Variants in RADIL observed in about 807,000 individuals in gnomAD.
RADIL encodes the protein ras-associating and dilute domain-containing protein.
Under a neutral mutation model 97.6 loss-of-function variants are expected in RADIL, and 99 were observed. The ratio of observed to expected loss-of-function variants is 1.01; its 90% confidence interval spans 0.86 to 1.20. The LOEUF (loss-of-function observed/expected upper bound fraction) is 1.20, where lower values mean the gene tolerates loss of function less well. Ranked by LOEUF, RADIL falls within the 50% of genes most tolerant of loss-of-function variation. RADIL has a pLI of 0.00. For missense variants in RADIL, 1,765 were observed against 1,498.9 expected (o/e 1.18, Z -2.93); for synonymous variants, 803 against 691.8 (o/e 1.16, Z -2.52).
intron 2 of RADIL, chr7:4,860,892 G>A: frequency 6.2e-7 from 1 of 1,614,172 alleles, no homozygotes; most frequent in African/African-American, 1.3e-5. Context: ...CTATCACTGG[G>A]ATTTACTCTT....
chr7:4,856,060 C>T (rs1324215767), intron 2 of RADIL, among the ~76,000 whole-genome samples: 2 of 151,518 alleles, frequency 1.3e-5, no homozygotes, highest in Non-Finnish European at 2.9e-5. Context: ...CCGCTCGCCT[C>T]GGCCTCCCAA....
chr7:4,816,338 G>C lies in RADIL; in HGVS notation c.1856C>G (p.Ala619Gly). The C allele has an allele frequency of 6.2e-7, 1 of 1,612,388 alleles. No homozygotes were observed. The highest frequency in any genetic ancestry group is 1.7e-5 in the Admixed American group (1 of 59,954). Residue 619 changes from alanine to glycine, a missense_variant, in exon 8 of 15, where the codon GCC becomes GGC. Ala to Gly is a moderately conservative substitution (Grantham distance 60). Transcript: ENST00000399583. ...LRRVVSVYQA[A>G]LDLLRQLQVH... The stretch of plus-strand genomic sequence containing the variant: ...CTGCAGCTGCCGCAGGAGGTCCAGG[G>C]CTGCCTGGTACACAGACACCACGCG...
At chr7:4,829,138 C>T (rs1217769600) in intron 5 of RADIL, among the ~76,000 whole-genome samples, 1 of 152,250 alleles carries the variant, frequency 6.6e-6, no homozygotes, top group Non-Finnish European at 1.5e-5. Flanking sequence ...TGAAAGCCCA[C>T]AAGATGTCAG....
rs1356697915 is a variant in RADIL at position 4,854,199 on chromosome 7, G to C, written c.536-17594C>G. On this transcript the variant is annotated intron_variant, in intron 2 of 14. Transcript: ENST00000399583. This position sits in a 1 kb window ranked among gnomAD's most constrained non-coding sequence, Gnocchi z 5.1. ...AATGATGGGGCCGAAAGTAGAAAAA[G>C]CCTGGTCCCTGGTGACCAGGAAAGC... 6.6e-6 allele frequency among the ~76,000 whole-genome samples: 1 copy of C among 152,044 alleles called. No individual in the cohort carries two copies. The highest frequency in any genetic ancestry group is 1.5e-5 in the Non-Finnish European group (1 of 68,030).
intron 10 of RADIL, chr7:4,803,978 T>A: frequency 1.6e-6 from 1 of 630,054 alleles, no homozygotes; most frequent in Non-Finnish European, 2.9e-6. Flanking sequence ...TCCGAGCAGT[T>A]CAGGACTGAG....
intron 5 of RADIL, among the ~76,000 whole-genome samples, chr7:4,826,794 AC>A (rs905180315): frequency 7.9e-5 from 12 of 152,168 alleles, no homozygotes; most frequent in African/African-American, 2.9e-4. Flanking sequence ...CAAAGGCAAA[AC>A]GCACAGAAAA....
chr7:4,818,562 C>T lies in RADIL; in HGVS notation c.1616-1211G>A, dbSNP rs1386811649. 6.6e-6 allele frequency among the ~76,000 whole-genome samples: 1 copy of T among 152,198 alleles called. No individual in the cohort carries two copies. The highest frequency in any genetic ancestry group is 1.9e-4 in the East Asian group (1 of 5,174). On this transcript the variant is annotated intron_variant, in intron 6 of 14. Transcript: ENST00000399583. The surrounding 1 kb of genome is among the most constrained non-coding windows in gnomAD (Gnocchi z 7.1). ...CCGGGGTCCGGGGCAGTAAGGGGCT[C>T]TCGGGCTCTGCCAACCTCAACACTG... is the stretch of plus-strand genomic sequence containing the variant.
chr7:4,824,686 C>T lies in RADIL; in HGVS notation c.1455-2132G>A, dbSNP rs557519576. Among the ~76,000 whole-genome samples the T allele has an allele frequency of 2.0e-4, 30 of 152,328 alleles. No homozygotes were observed. Among genetic ancestry groups the T allele is most frequent in the South Asian group, 2.1e-4 (1 of 4,828 alleles). On this transcript the variant is annotated intron_variant, in intron 5 of 14. Coordinates refer to ENST00000399583, the MANE Select transcript of RADIL (RefSeq NM_018059.5). The surrounding 1 kb of genome is among the most constrained non-coding windows in gnomAD (Gnocchi z 6.7). ...CCTGTTTTTGGCGGCTAAGCAGGTC[C>T]GCTGCCTGCTCATGTGTCTGGCACA...
Position 4,872,319 on chromosome 7 carries a change from C to T in RADIL, c.535+5286G>A, listed in dbSNP as rs541856684. ...CTGCTCATCGCCCTGCAACCACGGA[C>T]GCCTCCCTCAGCAAAGATGCCCCAA... On this transcript the variant is annotated intron_variant, in intron 2 of 14. Transcript: ENST00000399583. This position sits in a 1 kb window ranked among gnomAD's most constrained non-coding sequence, Gnocchi z 5.8. 7.9e-5 allele frequency among the ~76,000 whole-genome samples: 12 copies of T among 152,328 alleles called. 1 individual carries two copies. In the South Asian group the frequency reaches 2.3e-3, roughly 29 times the overall value.
Position 4,817,233 on chromosome 7 carries a change from G to C in RADIL, c.1728+6C>G. On this transcript the variant is annotated splice_donor_region_variant and intron_variant, in intron 7 of 14. Transcript: ENST00000399583. The surrounding 1 kb of genome is among the most constrained non-coding windows in gnomAD (Gnocchi z 8.3). The stretch of plus-strand genomic sequence containing the variant: ...CTGAGTGCAGAAGCAGAGCCCGTCC[G>C]TGCACCTTGGAGACATAGTAGACGC... 1 of 1,607,280 alleles carries C rather than the reference G, an allele frequency of 6.2e-7. No individual in the cohort carries two copies. Among genetic ancestry groups the C allele is most frequent in the Non-Finnish European group, 8.5e-7 (1 of 1,176,126 alleles).
Position 4,822,592 on chromosome 7 carries a change from C to A in RADIL, c.1455-38G>T, listed in dbSNP as rs760192404. 1 of 1,598,164 alleles carries A rather than the reference C, an allele frequency of 6.3e-7. No homozygotes were observed. The highest frequency in any genetic ancestry group is 1.1e-5 in the South Asian group (1 of 88,372). ...AAAGACTAAGAGTTACGCGGGGACC[C>A]GACCCTCAGGAGGCTGAATCTACCA... is the stretch of plus-strand genomic sequence containing the variant. On this transcript the variant is annotated intron_variant, in intron 5 of 14. Transcript: ENST00000399583. This position sits in a 1 kb window ranked among gnomAD's most constrained non-coding sequence, Gnocchi z 5.3.
rs369297672 is a variant in RADIL at position 4,800,180 on chromosome 7, G to C, written c.2973C>G (p.Ile991Met). The C allele has an allele frequency of 7.5e-5, 121 of 1,608,522 alleles. No homozygotes were observed. The highest frequency in any genetic ancestry group is 9.4e-5 in the Non-Finnish European group (111 of 1,178,660). Residue 991 changes from isoleucine to methionine, a missense_variant, in exon 13 of 15, where the codon ATC (isoleucine) becomes ATG (methionine). Transcript: ENST00000399583. ...GTCCTGGGCCACTCACCATCCCGTCGATCAGGCCCATCCCCAGCCCGGAGG... is the reference window on the plus strand; with the variant it reads ...GTCCTGGGCCACTCACCATCCCGTCCATCAGGCCCATCCCCAGCCCGGAGG... ...RGPSGLGMGLIDGMHTHLGAP... is the reference protein window; with the variant it reads ...RGPSGLGMGLMDGMHTHLGAP...
chr7:4,861,667 C>T lies in RADIL; in HGVS notation c.535+15938G>A, dbSNP rs749519409. The T allele has an allele frequency of 2.5e-6, 4 of 1,601,192 alleles. No individual in the cohort carries two copies. The Admixed American group carries it at 6.9e-5, about 28-fold the overall frequency. ...CTTCCTCTTCGAAGACCCCGAAGGG[C>T]CTGAGGGTTTCTATTAGCCTCTGGG... is the stretch of plus-strand genomic sequence containing the variant. On this transcript the variant is annotated intron_variant, in intron 2 of 14. Coordinates refer to ENST00000399583, the MANE Select transcript of RADIL (RefSeq NM_018059.5).
In RADIL at chr7:4,822,794, C is replaced by G. The variant is rs1392149045; in HGVS notation, c.1455-240G>C. On this transcript the variant is annotated intron_variant, in intron 5 of 14. Transcript: ENST00000399583. The surrounding 1 kb of genome is among the most constrained non-coding windows in gnomAD (Gnocchi z 5.3). The stretch of plus-strand genomic sequence containing the variant: ...GCAGGAAGACAGCTGGGCGCCACAG[C>G]CATTGGTAAAAAACCTCGGTAAGTA... Among the ~76,000 whole-genome samples the G allele has an allele frequency of 6.6e-6, 1 of 152,114 alleles. No homozygotes were observed. The highest frequency in any genetic ancestry group is 1.5e-5 in the Non-Finnish European group (1 of 68,008).
Position 4,800,163 on chromosome 7 carries a change from C to T in RADIL, c.2982+8G>A, listed in dbSNP as rs1782033388. ...ATGGGGGTGCGGCGAGGGTCCTGGG[C>T]CACTCACCATCCCGTCGATCAGGCC... is the stretch of plus-strand genomic sequence containing the variant. On this transcript the variant is annotated splice_region_variant and intron_variant, in intron 13 of 14. Coordinates refer to ENST00000399583, the MANE Select transcript of RADIL (RefSeq NM_018059.5). 4.4e-6 allele frequency: 7 copies of T among 1,601,238 alleles called. No individual in the cohort carries two copies. Among genetic ancestry groups the T allele is most frequent in the Non-Finnish European group, 6.0e-6 (7 of 1,175,346 alleles).
intron 9 of RADIL, among the ~76,000 whole-genome samples, chr7:4,812,852 C>A (rs1318731567): frequency 6.6e-6 from 1 of 152,224 alleles, no homozygotes. Flanking sequence ...ATTTGTCATT[C>A]TCTTTCTTAC....
In RADIL at chr7:4,809,261, C is replaced by T. The variant is rs960673272; in HGVS notation, c.2140-3545G>A. The T allele has an allele frequency of 4.1e-6, 4 of 985,224 alleles. No homozygotes were observed. The Admixed American group carries it at 2.5e-4, about 61-fold the overall frequency. 61.0% of individuals were successfully genotyped at this position (985,224 alleles called of 1,614,324 possible). On this transcript the variant is annotated intron_variant, in intron 9 of 14. Transcript: ENST00000399583. ...GCTCGGGCCTGGCCGCCAAGCTGGG[C>T]GAGAGGCCGGGGCCCCCCTTCCATC...
rs1783668204 is a variant in RADIL, at chr7:4,849,972, G to C, written c.536-13367C>G. On this transcript the variant is annotated intron_variant, in intron 2 of 14. Transcript: ENST00000399583. The surrounding 1 kb of genome is among the most constrained non-coding windows in gnomAD (Gnocchi z 5.4). ...TAACATCTTTTCTTGGTGAAATATA[G>C]TATATGTAGGAATGTATGTTGCAAA... 6.6e-6 allele frequency among the ~76,000 whole-genome samples: 1 copy of C among 151,956 alleles called. No homozygotes were observed. Among genetic ancestry groups the C allele is most frequent in the African/African-American group, 2.4e-5 (1 of 41,344 alleles).
chr7:4,876,281 A>T (rs1784374485), intron 2 of RADIL, among the ~76,000 whole-genome samples: 1 of 151,336 alleles, frequency 6.6e-6, no homozygotes, highest in African/African-American at 2.4e-5. Flanking sequence ...GAGCCACCAC[A>T]CCCGGCCAAA....
Sources: allele counts gnomAD v4.1 joint callset (sites outside exome capture counted in the v4.1 genomes callset), GRCh38; gene constraint gnomAD v4.1.1; non-coding constraint Gnocchi (gnomAD v3.1); transcripts MANE v1.5; gene names NCBI Gene and HGNC (gene_info 2026-07-23, HGNC 2026-07-21).